Variants in COL14A1 observed in about 807,000 individuals in gnomAD.
COL14A1 encodes collagen type XIV alpha 1 chain, also known as collagen alpha-1(XIV) chain.
Under a neutral mutation model 230.3 loss-of-function variants are expected in COL14A1, and 136 were observed. That is an observed-to-expected ratio of 0.59 (90% CI 0.51 to 0.68). COL14A1 has a LOEUF of 0.68. Among genes scored for constraint, COL14A1 ranks in the 30% least tolerant of loss-of-function variants. The pLI is 0.00. For synonymous variants in COL14A1, 792 were observed against 784.1 expected (o/e 1.01, Z -0.17); for missense variants, 1,976 against 2,215.8 (o/e 0.89, Z 2.17).
At chr8:120,321,350 ATACT>A (rs1430238639) in intron 40 of COL14A1, among the ~76,000 whole-genome samples, 1 of 152,116 alleles carries the variant, frequency 6.6e-6, no homozygotes, top group Non-Finnish European at 1.5e-5. Context: ...GACTCTAGAG[ATACT>A]TCTGGGCCAG....
intron 14 of COL14A1, among the ~76,000 whole-genome samples, chr8:120,217,283 C>T (rs1043941220): frequency 6.6e-6 from 1 of 152,138 alleles, no homozygotes; most frequent in Non-Finnish European, 1.5e-5. Context: ...CTAAGAAGTA[C>T]TTTCAGATAA....
Position 120,209,894 on chromosome 8 carries a change from A to G in COL14A1, c.1460A>G (p.Glu487Gly), listed in dbSNP as rs199676495. The G allele has an allele frequency of 6.9e-6, 11 of 1,603,422 alleles. No homozygotes were observed. The highest frequency in any genetic ancestry group is 8.5e-6 in the Non-Finnish European group (10 of 1,176,172). Residue 487 changes from glutamate (E) to glycine (G), a missense_variant, in exon 12 of 48, where the codon GAA becomes GGA. Physicochemically the swap from Glu to Gly is moderately conservative, Grantham distance 98. Transcript: ENST00000297848. ...CTAACAGAGGGCCTGGCTGGGGATG[A>G]AAAAGAGGTAACCACTTCCTACCTA... ...APLTEGLAGD[E>G]KEMKIGETHT...
chr8:120,130,354 G>A (rs991546900), intron 1 of COL14A1, among the ~76,000 whole-genome samples: 1 of 152,172 alleles, frequency 6.6e-6, no homozygotes, highest in Non-Finnish European at 1.5e-5. Context: ...GGCCAGATAG[G>A]TCATCTTGTA....
rs1239159321 is a variant in COL14A1 at position 120,310,079 on chromosome 8, C to G, written c.4455+17C>G. 2.0e-6 allele frequency: 3 copies of G among 1,523,590 alleles called. No homozygotes were observed. Among genetic ancestry groups the G allele is most frequent in the Admixed American group, 1.8e-5 (1 of 56,490 alleles). The allele number at this position is 1,523,590 out of a possible 1,614,324, so 94.4% of individuals were successfully genotyped here. On this transcript the variant is annotated intron_variant, in intron 37 of 47. Coordinates refer to ENST00000297848, the MANE Select transcript of COL14A1 (RefSeq NM_021110.4). ...GGTCCAAAGGTAATGCGCATGTTTT[C>G]TCTCTCTCTCTGTCTCATCTCTCTC... is the stretch of plus-strand genomic sequence containing the variant.
chr8:120,168,123 T>G, intron 4 of COL14A1, 38 bp from the exon 5 acceptor site: 1 of 1,360,592 alleles, frequency 7.3e-7, no homozygotes, highest in Non-Finnish European at 1.0e-6. Flanking sequence ...TTTTAGATTT[T>G]AGTATAACAT....
Position 120,279,920 on chromosome 8 carries a change from C to A in COL14A1, c.3482-15C>A, listed in dbSNP as rs369308081. ...AATTTAAAGTAATCGGAAATCTGTT[C>A]TCTGTCTGCCACAGGCTATAGCATT... is the stretch of plus-strand genomic sequence containing the variant. On this transcript the variant is annotated splice_polypyrimidine_tract_variant and intron_variant, in intron 28 of 47. Coordinates refer to ENST00000297848, the MANE Select transcript of COL14A1 (RefSeq NM_021110.4). 6.2e-6 allele frequency: 10 copies of A among 1,610,480 alleles called. No individual in the cohort carries two copies. Among genetic ancestry groups the A allele is most frequent in the Admixed American group, 1.7e-5 (1 of 59,498 alleles).
intron 36 of COL14A1, among the ~76,000 whole-genome samples, chr8:120,303,942 A>G (rs1336131139): frequency 1.3e-5 from 2 of 151,988 alleles, no homozygotes; most frequent in African/African-American, 4.8e-5. Context: ...TGTTCAGGGA[A>G]TCAATTTCTT....
rs565738739 is a variant in COL14A1 at position 120,190,390 on chromosome 8, T to A, written c.437-6401T>A. ...ATTGTAGATTCTGGATATTAGCCCT[T>A]TGTCAGATGAGTAGGATGCGAACAT... On this transcript the variant is annotated intron_variant, in intron 5 of 47. Transcript: ENST00000297848. Among the ~76,000 whole-genome samples, 81 of 152,326 alleles carry A rather than the reference T, an allele frequency of 5.3e-4. No homozygotes were observed. In the South Asian group the frequency reaches 0.016, roughly 30 times the overall value.
chr8:120,265,996 G>GC (rs1444559880), intron 24 of COL14A1, among the ~76,000 whole-genome samples: 1 of 152,070 alleles, frequency 6.6e-6, no homozygotes, highest in Non-Finnish European at 1.5e-5. Context: ...TCTGTGAATG[G>GC]CTATGTTTAG....
At chr8:120,306,992 C>T (rs1180766962) in intron 36 of COL14A1, among the ~76,000 whole-genome samples, 1 of 152,106 alleles carries the variant, frequency 6.6e-6, no homozygotes, top group Non-Finnish European at 1.5e-5. Context: ...GTAGTGTAAA[C>T]TATGAGGACA....
intron 5 of COL14A1, among the ~76,000 whole-genome samples, chr8:120,185,237 A>G (rs1027149359): frequency 2.0e-5 from 3 of 152,156 alleles, no homozygotes; most frequent in African/African-American, 7.2e-5. Context: ...CCCTACATGG[A>G]TGGCTTCTGA....
At chr8:120,254,122 T>C (rs1819062554) in intron 22 of COL14A1, among the ~76,000 whole-genome samples, 1 of 152,152 alleles carries the variant, frequency 6.6e-6, no homozygotes, top group South Asian at 2.1e-4. Context: ...TCCGAGGTAT[T>C]TTTATTTTGT....
Position 120,216,509 on chromosome 8 carries a change from T to A in COL14A1, c.1737+19T>A. On this transcript the variant is annotated intron_variant, in intron 14 of 47. Coordinates refer to ENST00000297848, the MANE Select transcript of COL14A1 (RefSeq NM_021110.4). Reference sequence around the variant, plus strand: ...CAATGAGGTAAGTTCCGGGACATAATGTATATTTTTTAGGTAGTGGCGTGC... The same window carrying A: ...CAATGAGGTAAGTTCCGGGACATAAAGTATATTTTTTAGGTAGTGGCGTGC... 3.1e-6 allele frequency: 5 copies of A among 1,599,474 alleles called. No homozygotes were observed. Among genetic ancestry groups the A allele is most frequent in the Non-Finnish European group, 3.4e-6 (4 of 1,173,324 alleles).
rs985717579 is a variant in COL14A1, at chr8:120,371,083, G to C, written c.5312-69G>C. 5.9e-6 allele frequency: 8 copies of C among 1,350,208 alleles called. No homozygotes were observed. The African/African-American group carries it at 1.0e-4, about 17-fold the overall frequency. The allele number at this position is 1,350,208 out of a possible 1,614,324, so 83.6% of individuals were successfully genotyped here. A position where few individuals can be genotyped will look rare whatever the true frequency, so the allele number is the denominator to read the frequency against. ...ATATCTCTGTGTCTCTAAGGACCCA[G>C]GTGAGGGGAGAATATCAATTTATGA... On this transcript the variant is annotated intron_variant, in intron 47 of 47. Transcript: ENST00000297848.
At chr8:120,160,062 TG>T (rs1454077070) in intron 3 of COL14A1, among the ~76,000 whole-genome samples, 2 of 152,288 alleles carry the variant, frequency 1.3e-5, no homozygotes, top group African/African-American at 4.8e-5. Flanking sequence ...CAATACCAGA[TG>T]TCCACTTTTC....
At chr8:120,131,095 A>T (rs921513121) in intron 1 of COL14A1, among the ~76,000 whole-genome samples, 1 of 152,178 alleles carries the variant, frequency 6.6e-6, no homozygotes, top group African/African-American at 2.4e-5. Flanking sequence ...TATATGTACC[A>T]CATTTTCTTT....
intron 46 of COL14A1, among the ~76,000 whole-genome samples, chr8:120,368,324 A>G (rs141452016): frequency 6.6e-6 from 1 of 152,252 alleles, no homozygotes; most frequent in Non-Finnish European, 1.5e-5. Flanking sequence ...TTTGGAAAAT[A>G]CTTTTTCTGA....
chr8:120,222,421 T>C (rs935284596), intron 14 of COL14A1, among the ~76,000 whole-genome samples: 1 of 152,238 alleles, frequency 6.6e-6, no homozygotes, highest in Non-Finnish European at 1.5e-5. Context: ...GGCTCTGCCA[T>C]GTGGTGTCAG....
At chr8:120,133,559 C>T (rs1178308760) in intron 1 of COL14A1, among the ~76,000 whole-genome samples, 4 of 152,054 alleles carry the variant, frequency 2.6e-5, no homozygotes, top group Admixed American at 6.6e-5. Context: ...ATAACTACTA[C>T]AATAATTTAA....
Sources: gnomAD v4.1 joint callset for allele counts (sites outside exome capture counted in the v4.1 genomes callset) on GRCh38, gnomAD v4.1.1 for gene constraint, MANE v1.5 for transcripts, NCBI Gene and HGNC (gene_info 2026-07-23, HGNC 2026-07-21) for gene names.